The following CSGALNACT1 variants were observed in gnomAD, a reference collection of about 807,000 sequenced individuals.
CSGALNACT1 encodes chondroitin sulfate N-acetylgalactosaminyltransferase 1.
Under a neutral mutation model 51.0 loss-of-function variants are expected in CSGALNACT1, and 52 were observed. The ratio of observed to expected loss-of-function variants is 1.02; its 90% CI spans 0.82 to 1.29. The LOEUF is 1.29. Ranked by LOEUF, CSGALNACT1 falls within the 50% of genes most tolerant of loss-of-function variation. CSGALNACT1 has a pLI of 0.00. For synonymous variants in CSGALNACT1, 341 were observed against 254.4 expected (o/e 1.34, Z -3.24); for missense variants, 935 against 679.2 (o/e 1.38, Z -4.19).
At chr8:19,613,929 C>T (rs1346036471) in intron 1 of CSGALNACT1, among the ~76,000 whole-genome samples, 1 of 152,156 alleles carries the variant, frequency 6.6e-6, no homozygotes, top group Non-Finnish European at 1.5e-5. Flanking sequence ...AGGGAAGTCC[C>T]AGATGTCAAC....
chr8:19,611,835 A>T (rs1317266767), intron 1 of CSGALNACT1, among the ~76,000 whole-genome samples: 1 of 152,120 alleles, frequency 6.6e-6, no homozygotes. Context: ...GGGAGGAAAA[A>T]AAATATGACC....
At chr8:19,636,474 T>C (rs113595948) in intron 1 of CSGALNACT1, among the ~76,000 whole-genome samples, 5,963 of 152,272 alleles carry the variant, frequency 0.039, 177 homozygotes, top group Middle Eastern at 0.071. Context: ...ACCCCTATAA[T>C]CAGCACCACT....
intron 1 of CSGALNACT1, among the ~76,000 whole-genome samples, chr8:19,721,542 G>A (rs2063130735): frequency 6.6e-6 from 1 of 152,184 alleles, no homozygotes; most frequent in South Asian, 2.1e-4. Flanking sequence ...AAGCACATGA[G>A]CCATAGCTGG....
At chr8:19,541,563 T>TTTTTTTTTTTTTTTTTTTTTTTTTTTTC (rs2085156969) in intron 3 of CSGALNACT1, among the ~76,000 whole-genome samples, 1 of 130,912 alleles carries the variant, frequency 7.6e-6, no homozygotes, top group Non-Finnish European at 1.6e-5. Context: ...ATTTTTTTTT[T>TTTTTTTTTTTTTTTTTTTTTTTTTTTTC]TTTTTTTTTT....
intron 1 of CSGALNACT1, among the ~76,000 whole-genome samples, chr8:19,673,875 G>C (rs1459134119): frequency 6.6e-6 from 1 of 152,208 alleles, no homozygotes; most frequent in East Asian, 1.9e-4. Flanking sequence ...AATATTTAGT[G>C]AGTGCCTATC....
chr8:19,447,667 G>C (rs1198674698), intron 5 of CSGALNACT1, among the ~76,000 whole-genome samples: 1 of 152,182 alleles, frequency 6.6e-6, no homozygotes, highest in African/African-American at 2.4e-5. Context: ...CCAGAGCAGG[G>C]GGAGGTGGGT....
At chr8:19,749,549 A>T (rs938420737) in intron 1 of CSGALNACT1, among the ~76,000 whole-genome samples, 2 of 152,102 alleles carry the variant, frequency 1.3e-5, no homozygotes, top group African/African-American at 4.8e-5. Flanking sequence ...TACCACACAC[A>T]TCTACCCTGG....
chr8:19,595,433 A>G (rs185041684), intron 2 of CSGALNACT1, among the ~76,000 whole-genome samples: 68 of 152,360 alleles, frequency 4.5e-4, no homozygotes, highest in African/African-American at 1.5e-3. Context: ...AGTTCAGAAC[A>G]TACAACTCTT....
chr8:19,744,737 C>T (rs2064541191), intron 1 of CSGALNACT1, among the ~76,000 whole-genome samples: 1 of 152,184 alleles, frequency 6.6e-6, no homozygotes, highest in African/African-American at 2.4e-5. Context: ...ATATGGGGAT[C>T]CTTGAATGTG....
At chr8:19,563,324 T>C (rs913662414) in intron 3 of CSGALNACT1, among the ~76,000 whole-genome samples, 6 of 152,046 alleles carry the variant, frequency 3.9e-5, no homozygotes, top group Non-Finnish European at 8.8e-5. Context: ...CTAAAGCATG[T>C]TGGGATTAAT....
At chr8:19,443,577 G>A (rs1432705804) in intron 5 of CSGALNACT1, among the ~76,000 whole-genome samples, 9 of 152,152 alleles carry the variant, frequency 5.9e-5, no homozygotes, top group African/African-American at 1.9e-4. Context: ...TGTGCAGGGG[G>A]ATTCCCATTT....
At chr8:19,725,607 T>G (rs2063354923) in intron 1 of CSGALNACT1, among the ~76,000 whole-genome samples, 1 of 151,896 alleles carries the variant, frequency 6.6e-6, no homozygotes, top group Non-Finnish European at 1.5e-5. Flanking sequence ...GTATTTTTAG[T>G]AAAGACGGGC....
At chr8:19,661,513 C>T (rs774841955) in intron 1 of CSGALNACT1, among the ~76,000 whole-genome samples, 6 of 152,218 alleles carry the variant, frequency 3.9e-5, no homozygotes, top group Admixed American at 6.5e-5. Context: ...TATTCTGGCC[C>T]ATAGCTGCTC....
chr8:19,714,828 A>G (rs10112417), intron 1 of CSGALNACT1, among the ~76,000 whole-genome samples: 116,147 of 151,506 alleles, frequency 0.77, 44,655 homozygotes, highest in East Asian at 0.86. Flanking sequence ...GGTAAATTGC[A>G]TGTTGCAGGG....
intron 1 of CSGALNACT1, among the ~76,000 whole-genome samples, chr8:19,680,422 G>A (rs2060509742): frequency 6.6e-6 from 1 of 151,946 alleles, no homozygotes; most frequent in South Asian, 2.1e-4. Flanking sequence ...CGGGTGTGGT[G>A]GCGGGTGCCT....
Position 19,431,095 on chromosome 8 carries a change from A to G in CSGALNACT1, c.953+8735T>C, listed in dbSNP as rs185183178. 1.2e-3 allele frequency among the ~76,000 whole-genome samples: 187 copies of G among 152,198 alleles called. 1 individual carries two copies. Among genetic ancestry groups the G allele is most frequent in the Admixed American group, 0.012 (180 of 15,288 alleles). On this transcript the variant is annotated intron_variant, in intron 6 of 9. Transcript: ENST00000454498. The stretch of plus-strand genomic sequence containing the variant: ...TTTTGTGGATTCCTTGTAATTTTCT[A>G]TATAGAAGATTATATCATCTGTGAA...
chr8:19,553,616 A>G (rs923021501), intron 3 of CSGALNACT1, among the ~76,000 whole-genome samples: 2 of 85,710 alleles, frequency 2.3e-5, no homozygotes, highest in Non-Finnish European at 2.1e-5. Flanking sequence ...TATGTATATA[A>G]ATACATATAT....
chr8:19,416,034 C>T (rs551258943), intron 8 of CSGALNACT1, among the ~76,000 whole-genome samples: 12 of 151,914 alleles, frequency 7.9e-5, no homozygotes, highest in South Asian at 2.1e-4. Context: ...ACAACATTTC[C>T]GTCAACAACA....
chr8:19,439,767 T>G, intron 6 of CSGALNACT1, 63 bp downstream of exon 5: 1 of 1,248,128 alleles, frequency 8.0e-7, no homozygotes, highest in Non-Finnish European at 1.2e-6. Flanking sequence ...AGTTTCAGCC[T>G]TGGATGTGTG....
Sources: gnomAD v4.1 joint callset for allele counts (sites outside exome capture counted in the v4.1 genomes callset) on GRCh38, gnomAD v4.1.1 for gene constraint, MANE v1.5 for transcripts, NCBI Gene and HGNC (gene_info 2026-07-23, HGNC 2026-07-21) for gene names.